TENM2: variants seen among roughly 807,000 people sequenced by gnomAD.
TENM2 encodes teneurin-2.
In TENM2, 52 loss-of-function variants were observed where a neutral mutation model predicts 245.2. The ratio of observed to expected loss-of-function variants is 0.21; its 90% confidence interval spans 0.17 to 0.27. The LOEUF (loss-of-function observed/expected upper bound fraction) is 0.27, where lower values mean the gene tolerates loss of function less well. TENM2 is among the 10% of genes least tolerant of loss of function. TENM2 has a pLI of 1.00. For missense variants in TENM2, 3,046 were observed against 3,666.8 expected, an observed-to-expected ratio of 0.83 and a Z score of 4.37; for synonymous variants, 1,363 against 1,438.9, an observed-to-expected ratio of 0.95 and a Z score of 1.19.
intron 2 of TENM2, among the ~76,000 whole-genome samples, chr5:167,815,784 GAAAAT>G (rs951217068): frequency 2.0e-5 from 3 of 152,036 alleles, no homozygotes; most frequent in African/African-American, 7.2e-5. Context: ...GAATGAGAGG[GAAAAT>G]AAAATAATGG....
the TENM2 span, among the ~76,000 whole-genome samples, chr5:167,232,321 C>T: frequency 1.0e-3 from 154 of 152,178 alleles, 1 homozygote; most frequent in Non-Finnish European, 2.0e-3. Flanking sequence ...AAACACTAAA[C>T]GCCAGCCTGT....
intron 25 of TENM2, among the ~76,000 whole-genome samples, chr5:168,234,620 C>A (rs981993195): frequency 4.6e-5 from 7 of 152,290 alleles, no homozygotes; most frequent in African/African-American, 1.7e-4. Flanking sequence ...GCCTCCCACC[C>A]CAACAAGCCT....
At chr5:167,807,038 A>C (rs1245269520) in intron 2 of TENM2, among the ~76,000 whole-genome samples, 1 of 146,010 alleles carries the variant, frequency 6.8e-6, no homozygotes. Context: ...TAGTCCCTCT[A>C]GAGGTCAAGC....
At chr5:167,026,989 A>G in the TENM2 span, among the ~76,000 whole-genome samples, 5 of 152,084 alleles carry the variant, frequency 3.3e-5, no homozygotes, top group African/African-American at 1.2e-4. Flanking sequence ...AGCCCTTGGG[A>G]AGCAAAAGAA....
chr5:167,184,294 G>A, the TENM2 span, among the ~76,000 whole-genome samples: 1 of 152,252 alleles, frequency 6.6e-6, no homozygotes, highest in East Asian at 1.9e-4. Flanking sequence ...TTGCCTGATT[G>A]CAGCAACGGA....
chr5:167,534,495 A>G (rs1181747947), intron 2 of TENM2, among the ~76,000 whole-genome samples: 1 of 152,224 alleles, frequency 6.6e-6, no homozygotes, highest in Non-Finnish European at 1.5e-5. Context: ...AATCTTTTTT[A>G]GCATAAGTAT....
chr5:167,131,536 A>G, the TENM2 span, among the ~76,000 whole-genome samples: 1 of 152,148 alleles, frequency 6.6e-6, no homozygotes, highest in Non-Finnish European at 1.5e-5. Context: ...GAAAGGGTGA[A>G]AGGCCAGCCA....
chr5:167,202,952 T>C, the TENM2 span, among the ~76,000 whole-genome samples: 1 of 152,204 alleles, frequency 6.6e-6, no homozygotes, highest in South Asian at 2.1e-4. Context: ...ACATGGTAAG[T>C]AATATTATCC....
the TENM2 span, among the ~76,000 whole-genome samples, chr5:167,271,249 T>G: frequency 6.6e-6 from 1 of 152,076 alleles, no homozygotes; most frequent in Non-Finnish European, 1.5e-5. Flanking sequence ...ACTTAGCCAG[T>G]GCCTAAGGTA....
the TENM2 span, among the ~76,000 whole-genome samples, chr5:167,276,842 TG>T: frequency 6.6e-6 from 1 of 152,146 alleles, no homozygotes; most frequent in African/African-American, 2.4e-5. Flanking sequence ...CAAATATTTT[TG>T]ATCCACAGTT....
the TENM2 span, among the ~76,000 whole-genome samples, chr5:167,212,729 C>T: frequency 6.6e-6 from 1 of 152,098 alleles, no homozygotes; most frequent in African/African-American, 2.4e-5. Flanking sequence ...GAAGGATTTT[C>T]CAGCTCGGAT....
the TENM2 span, among the ~76,000 whole-genome samples, chr5:167,127,788 CA>C: frequency 6.6e-6 from 1 of 151,976 alleles, no homozygotes; most frequent in Non-Finnish European, 1.5e-5. Context: ...TTTTGTTCAA[CA>C]AAGCAATGAA....
At chr5:167,991,235 A>C (rs923575052) in intron 4 of TENM2, among the ~76,000 whole-genome samples, 5 of 152,242 alleles carry the variant, frequency 3.3e-5, no homozygotes, top group African/African-American at 1.2e-4. Context: ...CTGTAGTAAC[A>C]TTTTGAAACC....
At chr5:167,292,605 T>G (rs1754700271) in intron 1 of TENM2, among the ~76,000 whole-genome samples, 1 of 152,222 alleles carries the variant, frequency 6.6e-6, no homozygotes, top group African/African-American at 2.4e-5. Flanking sequence ...GGCCTTATTT[T>G]TCCCACTTCC....
At chr5:167,276,240 T>C in the TENM2 span, among the ~76,000 whole-genome samples, 153 of 152,066 alleles carry the variant, frequency 1.0e-3, 3 homozygotes, top group Admixed American at 8.4e-3. Context: ...CATAAAATAA[T>C]TGGAAAATGA....
chr5:168,090,499 T>TG, intron 7 of TENM2, 75 bp from the exon 10 acceptor site: 2 of 1,352,564 alleles, frequency 1.5e-6, no homozygotes, highest in Non-Finnish European at 2.0e-6. Context: ...ACAAATGGGT[T>TG]CGGGGGGAAG....
intron 1 of TENM2, among the ~76,000 whole-genome samples, chr5:167,326,257 A>G (rs1442234401): frequency 6.6e-6 from 1 of 152,154 alleles, no homozygotes; most frequent in East Asian, 1.9e-4. Flanking sequence ...AGAGAACATA[A>G]TTTACTATGT....
At chr5:167,960,499 G>A (rs1430646633) in intron 4 of TENM2, among the ~76,000 whole-genome samples, 2 of 152,138 alleles carry the variant, frequency 1.3e-5, no homozygotes, top group Non-Finnish European at 2.9e-5. Flanking sequence ...ACACTGTGAG[G>A]GGAAAACTAC....
chr5:167,586,568 G>C (rs529541352), intron 2 of TENM2, among the ~76,000 whole-genome samples: 15 of 152,142 alleles, frequency 9.9e-5, no homozygotes, highest in African/African-American at 3.6e-4. Context: ...CTTCTCCAGG[G>C]TGTCCTGTTG....
Sources: allele counts gnomAD v4.1 joint callset (sites outside exome capture counted in the v4.1 genomes callset), GRCh38; gene constraint gnomAD v4.1.1; transcripts MANE v1.5; gene names NCBI Gene and HGNC (gene_info 2026-07-23, HGNC 2026-07-21).